The following EGFR variants were observed in gnomAD, a reference collection of about 807,000 sequenced individuals.
The protein encoded by EGFR is avian erythroblastic leukemia viral (v-erb-b) oncogene homolog.
In EGFR, 58 loss-of-function variants were observed where a neutral mutation model predicts 143.0. That is an observed-to-expected ratio of 0.41 (90% CI 0.33 to 0.50). The LOEUF (loss-of-function observed/expected upper bound fraction) is 0.50, where lower values mean the gene tolerates loss of function less well. EGFR is among the 20% of genes least tolerant of loss of function. EGFR has a pLI of 0.39. For missense variants in EGFR, 1,307 were observed against 1,579.0 expected (o/e 0.83, Z 2.92); for synonymous variants, 613 against 594.4 (o/e 1.03, Z -0.45).
intron 1 of EGFR, among the ~76,000 whole-genome samples, chr7:55,025,176 C>G (rs1237207070): frequency 6.6e-6 from 1 of 152,176 alleles, no homozygotes; most frequent in African/African-American, 2.4e-5. Context: ...TGTGAACTGA[C>G]ATGCTGTGTT....
At position 55,198,750 on chromosome 7, in the gene EGFR, C is replaced by A. The variant is rs1011342626; in HGVS notation, c.2735C>A (p.Ser912Tyr). 1 of 1,614,102 alleles carries A rather than the reference C, an allele frequency of 6.2e-7. No homozygotes were observed. Among genetic ancestry groups the A allele is most frequent in the African/African-American group, 1.3e-5 (1 of 74,942 alleles). ...VTVWELMTFG[S>Y]KPYDGIPASE... ...GTTTGGGAGTTGATGACCTTTGGATCCAAGCCATATGACGGAATCCCTGCC... is the reference window on the plus strand; with the variant it reads ...GTTTGGGAGTTGATGACCTTTGGATACAAGCCATATGACGGAATCCCTGCC... Residue 912 changes from serine to tyrosine, a missense_variant, in exon 23 of 28, where the codon TCC becomes TAC. Physicochemically the swap from Ser to Tyr is moderately radical, Grantham distance 144. Transcript: ENST00000275493.
intron 11 of EGFR, among the ~76,000 whole-genome samples, chr7:55,159,510 G>C: frequency 6.6e-6 from 1 of 152,166 alleles, no homozygotes; most frequent in East Asian, 1.9e-4. Flanking sequence ...TCACAACCTT[G>C]GGCATAGCTT....
intron 1 of EGFR, among the ~76,000 whole-genome samples, chr7:55,125,158 G>A (rs1278772733): frequency 5.9e-5 from 9 of 152,170 alleles, no homozygotes; most frequent in Non-Finnish European, 1.2e-4. Flanking sequence ...TCGCCTCCTA[G>A]GGGTTTCTCC....
At chr7:55,174,541 C>T (rs1489750093) in intron 18 of EGFR, among the ~76,000 whole-genome samples, 181 bp from the exon 19 acceptor site, 11 of 152,238 alleles carry the variant, frequency 7.2e-5, no homozygotes, top group Admixed American at 7.2e-4. Flanking sequence ...TGGAGCCCAA[C>T]AGCTGCAGGG....
intron 23 of EGFR, among the ~76,000 whole-genome samples, chr7:55,199,313 G>T (rs962910324): frequency 2.6e-5 from 4 of 152,192 alleles, no homozygotes; most frequent in Non-Finnish European, 5.9e-5. Context: ...TCTGCAGTGT[G>T]GCATTTAAAC....
At chr7:55,174,137 C>A (rs1786486262) in intron 18 of EGFR, 94 bp downstream of exon 18, 1 of 1,541,554 alleles carries the variant, frequency 6.5e-7, no homozygotes, top group Non-Finnish European at 8.8e-7. Context: ...ATATTTCCAT[C>A]ATCTACTTTA....
chr7:55,043,619 C>A (rs1413299352), intron 1 of EGFR, among the ~76,000 whole-genome samples: 1 of 152,000 alleles, frequency 6.6e-6, no homozygotes, highest in Non-Finnish European at 1.5e-5. Flanking sequence ...CCTTCTTGGC[C>A]TCCCAATATG....
chr7:55,026,870 A>G (rs1786921299), intron 1 of EGFR, among the ~76,000 whole-genome samples: 1 of 141,008 alleles, frequency 7.1e-6, no homozygotes, highest in African/African-American at 2.8e-5. Flanking sequence ...TTAACTGCCA[A>G]AAAAAAAAAG....
chr7:55,201,423 G>A (rs1024440406), intron 25 of EGFR, 68 bp downstream of exon 25: 11 of 1,606,106 alleles, frequency 6.8e-6, no homozygotes, highest in Non-Finnish European at 9.4e-6. Flanking sequence ...TGAATTTTAG[G>A]GAAAATAACC....
At position 55,160,137 on chromosome 7, in the gene EGFR, A is replaced by G; in HGVS notation, c.1299-2A>G. 1 of 1,614,068 alleles carries G rather than the reference A, an allele frequency of 6.2e-7. No individual in the cohort carries two copies. Among genetic ancestry groups the G allele is most frequent in the Non-Finnish European group, 8.5e-7 (1 of 1,179,966 alleles). Reference sequence around the variant, plus strand: ...ACATGATTTTTCTTCTCTCCAATGTAGTGGTCAGTTTTCTCTTGCAGTCGT... The same window carrying G: ...ACATGATTTTTCTTCTCTCCAATGTGGTGGTCAGTTTTCTCTTGCAGTCGT... On this transcript the variant is annotated splice_acceptor_variant, in intron 11 of 27. Coordinates refer to ENST00000275493, the MANE Select transcript of EGFR (RefSeq NM_005228.5). LOFTEE classifies it high-confidence loss of function.
At chr7:55,126,225 G>A (rs971579718) in intron 1 of EGFR, among the ~76,000 whole-genome samples, 1 of 152,170 alleles carries the variant, frequency 6.6e-6, no homozygotes, top group African/African-American at 2.4e-5. Flanking sequence ...GTGAATGTCT[G>A]TCTCCCCACT....
intron 15 of EGFR, chr7:55,166,384 G>A: frequency 9.2e-6 from 5 of 545,542 alleles, no homozygotes; most frequent in South Asian, 1.5e-5. Flanking sequence ...ATCTGTATGA[G>A]TTGTGTGCCC....
At chr7:55,127,174 C>A (rs1032176446) in intron 1 of EGFR, among the ~76,000 whole-genome samples, 28 of 152,140 alleles carry the variant, frequency 1.8e-4, no homozygotes, top group Non-Finnish European at 3.8e-4. Flanking sequence ...AGTGGCAGGG[C>A]TCTGCTACCC....
Position 55,201,187 on chromosome 7 carries a change from G to T in EGFR, c.2947-1G>T, listed in dbSNP as rs1787830570. On this transcript the variant is annotated splice_acceptor_variant, in intron 24 of 27. Transcript: ENST00000275493. LOFTEE classifies it high-confidence loss of function. ...TAATAGCCTCAAAATCTCTGCACCA[G>T]GGGGATGAAAGAATGCATTTGCCAA... 4.3e-6 allele frequency: 7 copies of T among 1,614,196 alleles called. No individual in the cohort carries two copies. The highest frequency in any genetic ancestry group is 5.9e-6 in the Non-Finnish European group (7 of 1,180,036).
intron 17 of EGFR, among the ~76,000 whole-genome samples, chr7:55,173,699 GT>G (rs1157687225): frequency 6.6e-6 from 1 of 152,260 alleles, no homozygotes; most frequent in African/African-American, 2.4e-5. Flanking sequence ...TAGCTGTTCA[GT>G]TAAAGAACAC....
chr7:55,023,188 T>TGTGCCTGTGTGTCTGTGTGTGC (rs1786672927), intron 1 of EGFR, among the ~76,000 whole-genome samples: 1 of 152,214 alleles, frequency 6.6e-6, no homozygotes, highest in Non-Finnish European at 1.5e-5. Flanking sequence ...GACTTGTGTG[T>TGTGCCTGTGTGTCTGTGTGTGC]GTGCCTGTGT....
At chr7:55,031,124 C>T (rs2128863099) in intron 1 of EGFR, among the ~76,000 whole-genome samples, 1 of 152,308 alleles carries the variant, frequency 6.6e-6, no homozygotes, top group East Asian at 1.9e-4. Flanking sequence ...GGAAAAAGTC[C>T]TGCACTCCAG....
At chr7:55,112,021 A>G (rs756140423) in intron 1 of EGFR, among the ~76,000 whole-genome samples, 1 of 152,074 alleles carries the variant, frequency 6.6e-6, no homozygotes, top group Non-Finnish European at 1.5e-5. Context: ...CTGGGACTGG[A>G]ACTCCTGGCG....
intron 1 of EGFR, among the ~76,000 whole-genome samples, chr7:55,117,038 G>A (rs188679880): frequency 1.9e-4 from 29 of 152,250 alleles, no homozygotes; most frequent in African/African-American, 6.7e-4. Context: ...GAGGGTACTG[G>A]TCGCTTTAGT....
Sources: allele counts gnomAD v4.1 joint callset (sites outside exome capture counted in the v4.1 genomes callset), GRCh38; gene constraint gnomAD v4.1.1; transcripts MANE v1.5; gene names NCBI Gene and HGNC (gene_info 2026-07-23, HGNC 2026-07-21).